USP37: variants seen among roughly 807,000 people sequenced by gnomAD.
USP37 encodes the protein ubiquitin specific peptidase 37, also known as ubiquitin carboxyl-terminal hydrolase 37.
Under a neutral mutation model 124.0 loss-of-function variants are expected in USP37, and 27 were observed. The ratio of observed to expected loss-of-function variants is 0.22; its 90% CI spans 0.16 to 0.30. The LOEUF is 0.30. Among genes scored for constraint, USP37 ranks in the 10% least tolerant of loss-of-function variants. The pLI, the probability that USP37 is intolerant of heterozygous loss-of-function variation, is 1.00. For synonymous variants in USP37, 365 were observed against 388.0 expected (o/e 0.94, Z 0.70); for missense variants, 889 against 1,140.4 (o/e 0.78, Z 3.17).
At chr2:218,486,415 T>G (rs1292652975) in intron 15 of USP37, 1 of 152,194 alleles carries the variant, frequency 6.6e-6, no homozygotes, top group African/African-American at 2.4e-5. Context: ...ATAAACAGAT[T>G]TTTTTGTCTG....
intron 8 of USP37, among the ~76,000 whole-genome samples, chr2:218,542,254 T>C (rs1449633462): frequency 2.0e-5 from 3 of 152,034 alleles, no homozygotes; most frequent in Non-Finnish European, 4.4e-5. Flanking sequence ...TTCTAAGGAG[T>C]GCAAACTTAA....
chr2:218,509,544 T>G (rs1689863344), intron 11 of USP37, among the ~76,000 whole-genome samples: 1 of 151,696 alleles, frequency 6.6e-6, no homozygotes, highest in African/African-American at 2.4e-5. Context: ...AGGCCAGGAG[T>G]TCTACCAACC....
At chr2:218,483,524 T>C (rs1297639257) in intron 16 of USP37, among the ~76,000 whole-genome samples, 2 of 151,132 alleles carry the variant, frequency 1.3e-5, no homozygotes, top group African/African-American at 4.9e-5. Flanking sequence ...AATATTAGGA[T>C]TTGACAAACA....
Position 218,497,744 on chromosome 2 carries a change from T to A in USP37, c.1271A>T (p.Tyr424Phe). Reference sequence around the variant, plus strand: ...ACAATTAATACTCACATTCTGCATATAACCAGAGAATCTCTCTGCTGTAGC... The same window carrying A: ...ACAATTAATACTCACATTCTGCATAAAACCAGAGAATCTCTCTGCTGTAGC... ...ISATAERFSGYMQNDAHEFLS... is the reference protein window; with the variant it reads ...ISATAERFSGFMQNDAHEFLS... Residue 424 changes from tyrosine to phenylalanine, a missense_variant, in exon 13 of 26, where the codon TAT becomes TTT. Around this residue, in one of 3 missense-constraint regions of USP37, gnomAD observed 504 missense variants for 714.3 expected, o/e 0.71. Transcript: ENST00000258399. 6.2e-7 allele frequency: 1 copy of A among 1,614,094 alleles called. No homozygotes were observed. The highest frequency in any genetic ancestry group is 8.5e-7 in the Non-Finnish European group (1 of 1,180,002).
intron 3 of USP37, among the ~76,000 whole-genome samples, chr2:218,560,510 AT>A (rs764737544): frequency 6.6e-6 from 1 of 152,232 alleles, no homozygotes; most frequent in Non-Finnish European, 1.5e-5. Context: ...TGTTTTCTGA[AT>A]TTATTCCATG....
intron 23 of USP37, among the ~76,000 whole-genome samples, chr2:218,457,773 C>A (rs1163823389): frequency 6.6e-6 from 1 of 151,976 alleles, no homozygotes; most frequent in African/African-American, 2.4e-5. Flanking sequence ...GAAGGCCAGG[C>A]GTGGTGGCTC....
At chr2:218,469,968 C>T (rs1021243207) in intron 20 of USP37, among the ~76,000 whole-genome samples, 1 of 151,796 alleles carries the variant, frequency 6.6e-6, no homozygotes. Flanking sequence ...CTACAGGCGA[C>T]CGCCACCATG....
intron 14 of USP37, among the ~76,000 whole-genome samples, chr2:218,489,876 G>A (rs1474384340): frequency 6.6e-6 from 1 of 152,068 alleles, no homozygotes. Context: ...TCTTTTAGTT[G>A]GCCCCTCTTT....
intron 23 of USP37, among the ~76,000 whole-genome samples, chr2:218,457,424 T>C (rs1689755975): frequency 6.6e-6 from 1 of 152,218 alleles, no homozygotes; most frequent in African/African-American, 2.4e-5. Flanking sequence ...GAACCAACAA[T>C]ATATCCAATA....
At chr2:218,457,414 G>C (rs1689755107) in intron 23 of USP37, among the ~76,000 whole-genome samples, 1 of 152,056 alleles carries the variant, frequency 6.6e-6, no homozygotes, top group Admixed American at 6.6e-5. Context: ...TGAAAAGCTG[G>C]AACCAACAAT....
chr2:218,542,406 C>A (rs773739605), intron 8 of USP37, among the ~76,000 whole-genome samples: 2 of 152,162 alleles, frequency 1.3e-5, no homozygotes, highest in Non-Finnish European at 2.9e-5. Flanking sequence ...GCATGCACAA[C>A]CACATTCTGG....
At chr2:218,460,350 A>G (rs1424643383) in intron 22 of USP37, among the ~76,000 whole-genome samples, 1 of 152,138 alleles carries the variant, frequency 6.6e-6, no homozygotes, top group Admixed American at 6.5e-5. Flanking sequence ...CTAAGAAAAC[A>G]TAAAACGTAA....
intron 15 of USP37, 141 bp from the exon 16 acceptor site, chr2:218,485,884 T>C: frequency 2.4e-6 from 2 of 836,524 alleles, no homozygotes; most frequent in Non-Finnish European, 3.7e-6. Flanking sequence ...TCTAGAGCCA[T>C]GAGCCTTACC....
intron 14 of USP37, among the ~76,000 whole-genome samples, chr2:218,492,736 G>A (rs531855210): frequency 6.6e-6 from 1 of 152,210 alleles, no homozygotes; most frequent in Non-Finnish European, 1.5e-5. Flanking sequence ...GCTGGGCACA[G>A]TGGCTTACGC....
chr2:218,522,127 T>C (rs1441305683), intron 10 of USP37, among the ~76,000 whole-genome samples: 2 of 151,406 alleles, frequency 1.3e-5, no homozygotes, highest in African/African-American at 4.9e-5. Context: ...CCTCCTGCCT[T>C]GGCCTCCCAA....
At chr2:218,476,816 A>G in intron 19 of USP37, 24 bp downstream of exon 19, 2 of 1,586,656 alleles carry the variant, frequency 1.3e-6, no homozygotes, top group South Asian at 2.3e-5. Flanking sequence ...TCTTTGTCAG[A>G]TGTTTTAAGA....
intron 14 of USP37, among the ~76,000 whole-genome samples, chr2:218,488,914 C>T (rs1691749686): frequency 6.6e-6 from 1 of 152,062 alleles, no homozygotes; most frequent in African/African-American, 2.4e-5. Flanking sequence ...GGATTACAGG[C>T]GTGAGCCACC....
chr2:218,510,796 C>G (rs1689939527), intron 10 of USP37, among the ~76,000 whole-genome samples: 1 of 152,054 alleles, frequency 6.6e-6, no homozygotes, highest in Non-Finnish European at 1.5e-5. Context: ...AGTTTGAGAC[C>G]AGCTTGGGCA....
At chr2:218,474,367 T>C (rs1329900129) in intron 20 of USP37, among the ~76,000 whole-genome samples, 2 of 152,134 alleles carry the variant, frequency 1.3e-5, no homozygotes, top group Non-Finnish European at 2.9e-5. Context: ...CCTCCCTTTA[T>C]TTGTTTTTAT....
Sources: gnomAD v4.1 joint callset for allele counts (sites outside exome capture counted in the v4.1 genomes callset) on GRCh38, gnomAD v4.1.1 for gene constraint, gnomAD v4.1.1 regional missense constraint, MANE v1.5 for transcripts, NCBI Gene and HGNC (gene_info 2026-07-23, HGNC 2026-07-21) for gene names.